The following PRKAG2 variants were observed in gnomAD, a reference collection of about 807,000 sequenced individuals.
PRKAG2 encodes 5'-AMP-activated protein kinase subunit gamma-2.
In PRKAG2, 26 loss-of-function variants were observed where a neutral mutation model predicts 69.6. The ratio of observed to expected loss-of-function variants is 0.37; its 90% CI spans 0.27 to 0.52. PRKAG2 has a LOEUF of 0.52. Ranked by LOEUF, PRKAG2 falls within the 20% of genes least tolerant of loss-of-function variation. The pLI is 0.90. For missense variants in PRKAG2, 557 were observed against 740.0 expected (o/e 0.75, Z 2.87); for synonymous variants, 293 against 285.0 (o/e 1.03, Z -0.28).
rs545888220 is a variant in PRKAG2 at position 151,736,092 on chromosome 7, C to T, written c.466+45060G>A. 8.4e-5 allele frequency: 128 copies of T among 1,519,096 alleles called. 2 individuals carry two copies. The South Asian group carries it at 1.4e-3, about 17-fold the overall frequency. 94.1% of individuals were successfully genotyped at this position (1,519,096 alleles called of 1,614,324 possible). On this transcript the variant is annotated intron_variant, in intron 3 of 15. Coordinates refer to ENST00000287878, the MANE Select transcript of PRKAG2 (RefSeq NM_016203.4). ...GCCGGGAGCCAGAGGAGCATCAGCC[C>T]GACAGGCACAGGGCGCCCCAAAAGC... is the stretch of plus-strand genomic sequence containing the variant.
chr7:151,754,505 C>A (rs566750158), intron 3 of PRKAG2, among the ~76,000 whole-genome samples: 59 of 134,238 alleles, frequency 4.4e-4, no homozygotes, highest in Non-Finnish European at 7.9e-4. Context: ...CCCGCGTTGG[C>A]TGGGCCAGCA....
chr7:151,820,829 T>G (rs545274212), intron 1 of PRKAG2, among the ~76,000 whole-genome samples: 1 of 152,154 alleles, frequency 6.6e-6, no homozygotes, highest in Non-Finnish European at 1.5e-5. Flanking sequence ...TAAACAACAA[T>G]AAGCCGGGCT....
At chr7:151,618,195 G>A (rs1357965064) in intron 5 of PRKAG2, among the ~76,000 whole-genome samples, 1 of 152,182 alleles carries the variant, frequency 6.6e-6, no homozygotes, top group Non-Finnish European at 1.5e-5. Context: ...GCTCATGCCT[G>A]TAATTCCAAC....
At chr7:151,823,734 A>T (rs1431098421) in intron 1 of PRKAG2, among the ~76,000 whole-genome samples, 1 of 152,176 alleles carries the variant, frequency 6.6e-6, no homozygotes. Context: ...GGCTGGGCCC[A>T]GGGATGTGGG....
chr7:151,865,734 A>G (rs528620602), intron 1 of PRKAG2, among the ~76,000 whole-genome samples: 1 of 152,318 alleles, frequency 6.6e-6, no homozygotes, highest in East Asian at 1.9e-4. Context: ...GAAAGTGGAG[A>G]AGAGGCCGGG....
intron 5 of PRKAG2, among the ~76,000 whole-genome samples, chr7:151,618,961 G>A (rs549215774): frequency 2.0e-5 from 3 of 151,938 alleles, no homozygotes; most frequent in Admixed American, 6.6e-5. Context: ...ATGTGTACAC[G>A]GGCGAGAAAA....
intron 1 of PRKAG2, among the ~76,000 whole-genome samples, chr7:151,827,220 T>C (rs1229955005): frequency 6.6e-6 from 1 of 152,216 alleles, no homozygotes; most frequent in Non-Finnish European, 1.5e-5. Context: ...CTGGGATTTT[T>C]ATTTATTTTC....
chr7:151,694,445 A>G (rs1174641739), intron 3 of PRKAG2, among the ~76,000 whole-genome samples: 1 of 152,122 alleles, frequency 6.6e-6, no homozygotes, highest in East Asian at 1.9e-4. Flanking sequence ...TCATAAAAAT[A>G]ACTCATTTCT....
chr7:151,761,977 C>T (rs918248121), intron 3 of PRKAG2, among the ~76,000 whole-genome samples: 1 of 152,234 alleles, frequency 6.6e-6, no homozygotes, highest in African/African-American at 2.4e-5. Context: ...TTCTCCCATT[C>T]ACTGGCATGT....
At chr7:151,806,464 T>G (rs1272203571) in intron 1 of PRKAG2, 1 of 155,340 alleles carries the variant, frequency 6.4e-6, no homozygotes, top group African/African-American at 2.4e-5. Context: ...CGTGACTGCA[T>G]AGGCAAACGA....
At chr7:151,855,258 C>A (rs2079712255) in intron 1 of PRKAG2, among the ~76,000 whole-genome samples, 5 of 74,456 alleles carry the variant, frequency 6.7e-5, no homozygotes, top group Non-Finnish European at 1.2e-4. Context: ...ACACCACCCT[C>A]CACACACACC....
chr7:151,774,676 G>C (rs541439019), intron 3 of PRKAG2, among the ~76,000 whole-genome samples: 17 of 152,126 alleles, frequency 1.1e-4, no homozygotes, highest in East Asian at 7.7e-4. Context: ...GTGTGGTGGC[G>C]GGCGCCTGTA....
intron 1 of PRKAG2, 94 bp downstream of exon 1, chr7:151,876,413 G>C (rs891823913): frequency 4.7e-6 from 6 of 1,268,310 alleles, no homozygotes; most frequent in Non-Finnish European, 6.8e-6. Context: ...GGGCACGCAC[G>C]GCGCGCGCGG....
At chr7:151,857,053 TTGCAGGCA>T (rs1185957010) in intron 1 of PRKAG2, among the ~76,000 whole-genome samples, 1 of 151,352 alleles carries the variant, frequency 6.6e-6, no homozygotes, top group Non-Finnish European at 1.5e-5. Context: ...AGTGTAATTT[TTGCAGGCA>T]ACATTAAAAC....
chr7:151,631,514 CAAGT>C (rs1015190739), intron 5 of PRKAG2: 16 of 274,690 alleles, frequency 5.8e-5, no homozygotes, highest in Non-Finnish European at 9.2e-5. Flanking sequence ...AAAAAACAAC[CAAGT>C]GAGAGGAGAG....
intron 1 of PRKAG2, among the ~76,000 whole-genome samples, chr7:151,861,006 C>A (rs1279863553): frequency 1.3e-5 from 2 of 152,168 alleles, no homozygotes; most frequent in Non-Finnish European, 2.9e-5. Context: ...CAAGACTTTG[C>A]CTTCAAGTTC....
rs2078582595 is a variant in PRKAG2, at chr7:151,814,558, G to T, written c.115-28017C>A. On this transcript the variant is annotated intron_variant, in intron 1 of 15. Coordinates refer to ENST00000287878, the MANE Select transcript of PRKAG2 (RefSeq NM_016203.4). This position sits in a 1 kb window ranked among gnomAD's most constrained non-coding sequence, Gnocchi z 4.8. ...CAAATCCTGCTGCCTCACTCGAAAG[G>T]TCCATCAGAGAAGGGGTTTCCCAGC... 1 of 1,231,614 alleles carries T rather than the reference G, an allele frequency of 8.1e-7. No homozygotes were observed. The highest frequency in any genetic ancestry group is 1.0e-6 in the Non-Finnish European group (1 of 988,016). 76.3% of individuals were successfully genotyped at this position (1,231,614 alleles called of 1,614,324 possible).
chr7:151,629,058 T>C (rs548930503), intron 5 of PRKAG2, among the ~76,000 whole-genome samples: 153 of 152,308 alleles, frequency 1.0e-3, no homozygotes, highest in Non-Finnish European at 1.9e-3. Flanking sequence ...TGGCACACTA[T>C]GCCTGAGGGC....
intron 15 of PRKAG2, 60 bp from the exon 16 acceptor site, chr7:151,557,292 C>G: frequency 6.2e-7 from 1 of 1,613,572 alleles, no homozygotes; most frequent in Non-Finnish European, 8.5e-7. Flanking sequence ...GTTCTCTACC[C>G]CAGGGGTTTC....
Sources: gnomAD v4.1 joint callset for allele counts (sites outside exome capture counted in the v4.1 genomes callset) on GRCh38, gnomAD v4.1.1 for gene constraint, Gnocchi (gnomAD v3.1) non-coding constraint, MANE v1.5 for transcripts, NCBI Gene and HGNC (gene_info 2026-07-23, HGNC 2026-07-21) for gene names.